EPB41L2: variants seen among roughly 807,000 people sequenced by gnomAD.
EPB41L2 encodes the protein band 4.1-like protein 2.
A neutral mutation model predicts 113.0 loss-of-function variants in EPB41L2; 43 were observed. The ratio of observed to expected loss-of-function variants is 0.38; its 90% CI spans 0.30 to 0.49. EPB41L2 has a LOEUF of 0.49. EPB41L2 is among the 20% of genes least tolerant of loss of function. The pLI, the probability that EPB41L2 is intolerant of heterozygous loss-of-function variation, is 0.95. For missense variants in EPB41L2, 1,147 were observed against 1,223.4 expected (o/e 0.94, Z 0.93); for synonymous variants, 442 against 436.7 (o/e 1.01, Z -0.15).
At chr6:130,946,821 T>A (rs926727521) in intron 3 of EPB41L2, among the ~76,000 whole-genome samples, 2 of 152,094 alleles carry the variant, frequency 1.3e-5, no homozygotes, top group Admixed American at 6.6e-5. Context: ...TTTTTGATTT[T>A]AAAAAAATTA....
chr6:131,053,521 A>AGCCC (rs917170057), intron 1 of EPB41L2, among the ~76,000 whole-genome samples: 11 of 151,464 alleles, frequency 7.3e-5, no homozygotes, highest in Admixed American at 2.0e-4. Context: ...CAGCAAAGGC[A>AGCCC]GCCCCCCTGA....
intron 4 of EPB41L2, among the ~76,000 whole-genome samples, chr6:130,924,151 G>T (rs1270976511): frequency 6.6e-6 from 1 of 152,048 alleles, no homozygotes; most frequent in Non-Finnish European, 1.5e-5. Flanking sequence ...CATGTGACAG[G>T]ATTTCCTTCT....
chr6:130,880,661 A>G (rs1475018718), intron 12 of EPB41L2: 1 of 429,082 alleles, frequency 2.3e-6, no homozygotes, highest in African/African-American at 2.0e-5. Context: ...TTCTTCACCT[A>G]CAGTGTTGTA....
chr6:130,980,562 GGGGA>G (rs1417377753), intron 1 of EPB41L2, among the ~76,000 whole-genome samples: 1 of 152,014 alleles, frequency 6.6e-6, no homozygotes, highest in African/African-American at 2.4e-5. Context: ...AGAAAGATTG[GGGGA>G]GGGGCAGGGG....
chr6:130,855,857 AAG>A (rs1401185025), intron 19 of EPB41L2, among the ~76,000 whole-genome samples: 1 of 152,102 alleles, frequency 6.6e-6, no homozygotes, highest in Non-Finnish European at 1.5e-5. Flanking sequence ...AATGAAGAAA[AAG>A]AACACTATCG....
chr6:130,934,945 G>C (rs550598394), intron 3 of EPB41L2, among the ~76,000 whole-genome samples: 54 of 151,662 alleles, frequency 3.6e-4, no homozygotes, highest in Non-Finnish European at 5.6e-4. Context: ...TATTTTTCTT[G>C]TATACTATTC....
chr6:130,913,323 C>G (rs558027005), intron 4 of EPB41L2, among the ~76,000 whole-genome samples: 1 of 152,120 alleles, frequency 6.6e-6, no homozygotes, highest in Non-Finnish European at 1.5e-5. Context: ...ACTAAGTGGG[C>G]GGGGTTTACC....
chr6:130,980,587 C>G (rs1779187039), intron 1 of EPB41L2, among the ~76,000 whole-genome samples: 1 of 152,052 alleles, frequency 6.6e-6, no homozygotes, highest in Non-Finnish European at 1.5e-5. Flanking sequence ...TGGGGTGGAT[C>G]TAACAACTTT....
intron 1 of EPB41L2, among the ~76,000 whole-genome samples, chr6:131,061,826 G>A (rs969710682): frequency 3.3e-5 from 5 of 152,066 alleles, no homozygotes; most frequent in African/African-American, 1.2e-4. Flanking sequence ...AAAACGTAGG[G>A]TGGGGGAGGA....
intron 19 of EPB41L2, among the ~76,000 whole-genome samples, chr6:130,850,550 G>T (rs536806260): frequency 1.9e-4 from 29 of 152,094 alleles, no homozygotes; most frequent in Non-Finnish European, 2.4e-4. Context: ...GGAAAGGGGG[G>T]GTGTGTGTAT....
intron 6 of EPB41L2, 71 bp downstream of exon 6, chr6:130,904,394 A>G (rs1432410856): frequency 9.3e-7 from 1 of 1,077,908 alleles, no homozygotes; most frequent in Non-Finnish European, 1.4e-6. Context: ...AATTACCACT[A>G]TGCTCCCAGG....
At position 131,051,622 on chromosome 6, in the gene EPB41L2, G is replaced by A. The variant is rs374206164; in HGVS notation, c.-15+11533C>T. On this transcript the variant is annotated intron_variant, in intron 1 of 19. Transcript: ENST00000337057. ...GTTACTGTTTTGGTGGGGGGCCTAC[G>A]AGAAACAAGTTGATTGTTGGAAAAG... Among the ~76,000 whole-genome samples, 21 of 152,192 alleles carry A rather than the reference G, an allele frequency of 1.4e-4. No homozygotes were observed. In the South Asian group the frequency reaches 3.3e-3, roughly 24 times the overall value.
At chr6:130,880,832 T>C in intron 12 of EPB41L2, 1 of 259,950 alleles carries the variant, frequency 3.8e-6, no homozygotes, top group Non-Finnish European at 7.2e-6. Flanking sequence ...ATTTGAAATG[T>C]CTAAAGCAAC....
intron 1 of EPB41L2, among the ~76,000 whole-genome samples, chr6:131,062,770 C>T (rs1798944984): frequency 6.6e-6 from 1 of 151,792 alleles, no homozygotes; most frequent in Non-Finnish European, 1.5e-5. Context: ...CACGGCACCC[C>T]GGGGGGGACG....
chr6:131,026,928 C>T (rs1790995657), intron 1 of EPB41L2, among the ~76,000 whole-genome samples: 1 of 152,164 alleles, frequency 6.6e-6, no homozygotes, highest in South Asian at 2.1e-4. Flanking sequence ...TCTTCCCTTA[C>T]TACATATTCC....
chr6:131,035,142 C>A (rs141719366), intron 1 of EPB41L2, among the ~76,000 whole-genome samples: 1 of 152,302 alleles, frequency 6.6e-6, no homozygotes, highest in East Asian at 1.9e-4. Context: ...AACAACCAAT[C>A]TTACACGGAA....
chr6:130,885,319 C>A (rs1371869911), intron 11 of EPB41L2, 51 bp from the exon 12 acceptor site: 7 of 1,590,516 alleles, frequency 4.4e-6, no homozygotes, highest in South Asian at 1.1e-5. Flanking sequence ...GAATCATAAA[C>A]TTTATGGAAA....
chr6:131,040,961 C>G (rs1234149410), intron 1 of EPB41L2, among the ~76,000 whole-genome samples: 2 of 152,094 alleles, frequency 1.3e-5, no homozygotes, highest in Non-Finnish European at 2.9e-5. Context: ...TTGCATCTCT[C>G]CAACAGTTCA....
intron 1 of EPB41L2, among the ~76,000 whole-genome samples, chr6:131,053,159 G>T (rs767584332): frequency 3.3e-5 from 5 of 151,858 alleles, no homozygotes; most frequent in Non-Finnish European, 5.9e-5. Flanking sequence ...GCCTCCCAAA[G>T]TGCTGGGATT....
Sources: allele counts gnomAD v4.1 joint callset (sites outside exome capture counted in the v4.1 genomes callset), GRCh38; gene constraint gnomAD v4.1.1; transcripts MANE v1.5; gene names NCBI Gene and HGNC (gene_info 2026-07-23, HGNC 2026-07-21).